The following CASR variants were observed in gnomAD, a reference collection of about 807,000 sequenced individuals.
The protein encoded by CASR is extracellular calcium-sensing receptor.
CASR carries 23 observed loss-of-function variants against 69.1 expected under a neutral mutation model. The ratio of observed to expected loss-of-function variants is 0.33; its 90% CI spans 0.24 to 0.47. The LOEUF (loss-of-function observed/expected upper bound fraction) is 0.47. CASR is among the 20% of genes least tolerant of loss of function. CASR has a pLI of 1.00. For synonymous variants in CASR, 541 were observed against 544.7 expected, an observed-to-expected ratio of 0.99 and a Z score of 0.10; for missense variants, 924 against 1,356.1, an observed-to-expected ratio of 0.68 and a Z score of 5.00.
chr3:122,259,119 G>A (rs1157685768), intron 3 of CASR, among the ~76,000 whole-genome samples: 2 of 152,076 alleles, frequency 1.3e-5, no homozygotes, highest in Admixed American at 6.5e-5. Context: ...GGGGGTTGGG[G>A]CACAAAATGG....
At chr3:122,276,125 C>A in intron 5 of CASR, 83 bp downstream of exon 5, 2 of 878,792 alleles carry the variant, frequency 2.3e-6, no homozygotes, top group Non-Finnish European at 3.8e-6. Context: ...TTTGGTTTCC[C>A]CACTGGACTT....
At chr3:122,278,577 G>C (rs2074849907) in intron 5 of CASR, among the ~76,000 whole-genome samples, 1 of 152,190 alleles carries the variant, frequency 6.6e-6, no homozygotes, top group Admixed American at 6.5e-5. Flanking sequence ...AGGAGGCTTG[G>C]AGATACTTGA....
intron 1 of CASR, among the ~76,000 whole-genome samples, chr3:122,205,908 G>A (rs1178306014): frequency 6.6e-6 from 1 of 151,842 alleles, no homozygotes; most frequent in Non-Finnish European, 1.5e-5. Flanking sequence ...TGATTTTTGA[G>A]TGTTGATTTT....
At chr3:122,214,231 C>T (rs1284434727) in intron 1 of CASR, among the ~76,000 whole-genome samples, 1 of 150,342 alleles carries the variant, frequency 6.7e-6, no homozygotes, top group African/African-American at 2.5e-5. Flanking sequence ...CCATTTTTCT[C>T]ATTAAAGACT....
chr3:122,192,150 AC>A (rs1559932804), intron 1 of CASR, among the ~76,000 whole-genome samples: 1 of 152,236 alleles, frequency 6.6e-6, no homozygotes, highest in Non-Finnish European at 1.5e-5. Flanking sequence ...ATGGTTAAAT[AC>A]AGTGTGGTGG....
intron 1 of CASR, among the ~76,000 whole-genome samples, chr3:122,235,716 G>A (rs183041736): frequency 4.5e-4 from 69 of 152,304 alleles, no homozygotes; most frequent in Non-Finnish European, 7.2e-4. Flanking sequence ...AGGATCACGA[G>A]CCCAGGAGTT....
At chr3:122,257,497 A>G (rs772217334) in intron 3 of CASR, 110 bp downstream of exon 3, 46 of 761,212 alleles carry the variant, frequency 6.0e-5, no homozygotes, top group Non-Finnish European at 8.8e-5. Context: ...CTCTGGCACA[A>G]AAGACCTATG....
chr3:122,254,166 T>C lies in CASR; in HGVS notation c.-24T>C. On this transcript the variant is annotated 5_prime_UTR_variant, in exon 2 of 7. Transcript: ENST00000639785. ...TCCAAACTCCTAGCTGTCTCATCCC[T>C]TGCCCTGGAGAGACGGCAGAACCAT... The C allele has an allele frequency of 1.2e-6, 2 of 1,611,636 alleles. No homozygotes were observed. Among genetic ancestry groups the C allele is most frequent in the Non-Finnish European group, 1.7e-6 (2 of 1,179,382 alleles).
At position 122,240,790 on chromosome 3, in the gene CASR, CAAGTCTT is replaced by C. The variant is rs572845548; in HGVS notation, c.-242-13154_-242-13148del. The stretch of plus-strand genomic sequence containing the variant: ...ATAAACCGTATGTTGGGTCACAAAA[CAAGTCTT>C]AAGGCATTCAAAAAATTGAAATAAT... On this transcript the variant is annotated intron_variant, in intron 1 of 6. Transcript: ENST00000639785. 7.6e-4 allele frequency among the ~76,000 whole-genome samples: 115 copies of C among 152,276 alleles called. 1 individual carries two copies. The highest frequency in any genetic ancestry group is 1.2e-3 in the Non-Finnish European group (79 of 67,990).
intron 3 of CASR, among the ~76,000 whole-genome samples, chr3:122,260,654 C>T (rs1044578096): frequency 3.3e-5 from 5 of 150,338 alleles, no homozygotes; most frequent in African/African-American, 1.2e-4. Context: ...CAAACCTGCA[C>T]GTTGTGCACA....
chr3:122,272,034 A>G (rs1388580610), intron 4 of CASR, among the ~76,000 whole-genome samples: 4 of 151,922 alleles, frequency 2.6e-5, no homozygotes, highest in African/African-American at 4.8e-5. Context: ...TAATGTTGCT[A>G]TGAACATTTA....
chr3:122,264,394 A>G (rs1205420961), intron 4 of CASR, among the ~76,000 whole-genome samples: 2 of 152,326 alleles, frequency 1.3e-5, no homozygotes, highest in Non-Finnish European at 2.9e-5. Context: ...ACATTTATTG[A>G]CCATTCCTAA....
chr3:122,196,408 G>A (rs17282022), intron 1 of CASR, among the ~76,000 whole-genome samples: 79,853 of 151,932 alleles, frequency 0.53, 21,991 homozygotes, highest in African/African-American at 0.63. Context: ...GTGAGATGAA[G>A]TAAGGTGCTG....
At chr3:122,208,948 T>G (rs1243611019) in intron 1 of CASR, among the ~76,000 whole-genome samples, 5 of 152,190 alleles carry the variant, frequency 3.3e-5, no homozygotes, top group African/African-American at 1.2e-4. Context: ...TCACTAGAGT[T>G]CGACATTGGG....
chr3:122,190,562 CTT>C (rs2073830246), intron 1 of CASR, among the ~76,000 whole-genome samples: 1 of 152,172 alleles, frequency 6.6e-6, no homozygotes, highest in African/African-American at 2.4e-5. Context: ...CTACTTACCT[CTT>C]TGGTTGTTAA....
intron 1 of CASR, among the ~76,000 whole-genome samples, chr3:122,229,027 C>G (rs899048614): frequency 1.3e-5 from 2 of 152,184 alleles, no homozygotes; most frequent in Non-Finnish European, 2.9e-5. Flanking sequence ...TGCTCAGATT[C>G]TTAGGGTTAC....
rs930196805 is a variant in CASR at position 122,262,486 on chromosome 3, T to C, written c.1377+74T>C. 3 of 1,337,872 alleles carry C rather than the reference T, an allele frequency of 2.2e-6. No individual in the cohort carries two copies. The Admixed American group carries it at 5.1e-5, about 23-fold the overall frequency. 82.9% of individuals were successfully genotyped at this position (1,337,872 alleles called of 1,614,324 possible). On this transcript the variant is annotated intron_variant, in intron 4 of 6. Transcript: ENST00000639785. ...GGGCTGCAACTCCAGGCAAGAAAAA[T>C]AGTGGTCATTTGAAAAGGGCAATAT... is the stretch of plus-strand genomic sequence containing the variant.
rs2074111597 is a variant in CASR, at chr3:122,215,766, G to A, written c.-243+31954G>A. ...GATTAAGCCGTGTGACAAGATTTTGGTGCCAAGTCAGGTATAATTGGTTTT... is the reference window on the plus strand; with the variant it reads ...GATTAAGCCGTGTGACAAGATTTTGATGCCAAGTCAGGTATAATTGGTTTT... On this transcript the variant is annotated intron_variant, in intron 1 of 6. Transcript: ENST00000639785. 2.6e-5 allele frequency among the ~76,000 whole-genome samples: 4 copies of A among 152,208 alleles called. No homozygotes were observed. In the South Asian group the frequency reaches 8.3e-4, roughly 32 times the overall value.
chr3:122,224,946 A>T (rs549988346), intron 1 of CASR, among the ~76,000 whole-genome samples: 2 of 152,018 alleles, frequency 1.3e-5, no homozygotes, highest in South Asian at 2.1e-4. Context: ...TGGGGAAAGG[A>T]CTCCCCATAT....
Sources: allele counts gnomAD v4.1 joint callset (sites outside exome capture counted in the v4.1 genomes callset), GRCh38; gene constraint gnomAD v4.1.1; transcripts MANE v1.5; gene names NCBI Gene and HGNC (gene_info 2026-07-23, HGNC 2026-07-21).